The following DDX31 variants were observed in gnomAD, a reference collection of about 807,000 sequenced individuals.
DDX31 encodes the protein DEAD-box helicase 31.
DDX31 carries 70 observed loss-of-function variants against 91.3 expected under a neutral mutation model. The observed-to-expected ratio is 0.77, with a 90% CI of 0.63 to 0.94. The LOEUF (loss-of-function observed/expected upper bound fraction) is 0.94. DDX31 is among the 40% of genes least tolerant of loss of function. The pLI is 0.00. For synonymous variants in DDX31, 362 were observed against 350.6 expected (o/e 1.03, Z -0.36); for missense variants, 902 against 925.0 (o/e 0.98, Z 0.32).
chr9:132,648,093 A>C (rs745551824), intron 11 of DDX31, 96 bp downstream of exon 11: 10 of 978,312 alleles, frequency 1.0e-5, no homozygotes, highest in Non-Finnish European at 1.5e-5. Context: ...CACCTCCCTG[A>C]GGTTGAGAAT....
At chr9:132,602,551 G>T (rs17400224) in intron 19 of DDX31, among the ~76,000 whole-genome samples, 2 of 151,974 alleles carry the variant, frequency 1.3e-5, no homozygotes, top group Non-Finnish European at 2.9e-5. Context: ...CAAAACCCAC[G>T]CTCCTAGCAC....
chr9:132,612,653 T>C (rs918818226), intron 18 of DDX31, among the ~76,000 whole-genome samples: 17 of 152,250 alleles, frequency 1.1e-4, no homozygotes, highest in African/African-American at 4.1e-4. Context: ...GACATCGTTT[T>C]CTTATGAAAA....
chr9:132,658,577 CAG>C, intron 6 of DDX31, 92 bp downstream of exon 6: 1 of 1,193,446 alleles, frequency 8.4e-7, no homozygotes, highest in South Asian at 1.3e-5. Flanking sequence ...TCAGTGAAAA[CAG>C]ATTCTTTTAG....
rs1363355692 is a variant in DDX31, at chr9:132,648,427, C to T, written c.860+5G>A. On this transcript the variant is annotated splice_donor_5th_base_variant and intron_variant, in intron 10 of 19. Coordinates refer to ENST00000372159, the MANE Select transcript of DDX31 (RefSeq NM_022779.9). Reference sequence around the variant, plus strand: ...TACCTGTTATCATCCTGGGACGAGGCTCACCTGTCTGCTTCATCAAACACC... The same window carrying T: ...TACCTGTTATCATCCTGGGACGAGGTTCACCTGTCTGCTTCATCAAACACC... 1.2e-6 allele frequency: 2 copies of T among 1,612,714 alleles called. No individual in the cohort carries two copies. Among genetic ancestry groups the T allele is most frequent in the Non-Finnish European group, 1.7e-6 (2 of 1,179,600 alleles).
chr9:132,633,992 T>G (rs1832946884), intron 14 of DDX31, among the ~76,000 whole-genome samples: 1 of 152,126 alleles, frequency 6.6e-6, no homozygotes, highest in African/African-American at 2.4e-5. Context: ...AAATCCTGAA[T>G]GTAGGGTATT....
In DDX31 at chr9:132,669,966, G is replaced by A; in HGVS notation, c.-32C>T. 2 of 1,578,992 alleles carry A rather than the reference G, an allele frequency of 1.3e-6. No individual in the cohort carries two copies. The highest frequency in any genetic ancestry group is 1.2e-5 in the South Asian group (1 of 86,488). ...CGTGGGTGACGCGTGGTGCAGCAGC[G>A]AGCCCGGTGCGCAGACTGCTGGGCC... On this transcript the variant is annotated 5_prime_UTR_variant, in exon 1 of 20. Coordinates refer to ENST00000372159, the MANE Select transcript of DDX31 (RefSeq NM_022779.9).
At chr9:132,601,382 C>A (rs1016908697) in intron 19 of DDX31, among the ~76,000 whole-genome samples, 1 of 152,196 alleles carries the variant, frequency 6.6e-6, no homozygotes, top group East Asian at 1.9e-4. Context: ...AACCTGAAAC[C>A]AGAGGTCTGG....
At chr9:132,612,606 G>A (rs1411359327) in intron 18 of DDX31, among the ~76,000 whole-genome samples, 1 of 152,152 alleles carries the variant, frequency 6.6e-6, no homozygotes, top group Non-Finnish European at 1.5e-5. Flanking sequence ...AGTGAAAAGA[G>A]AGAATAGGTG....
rs191943659 is a variant in DDX31, at chr9:132,606,830, C to T, written c.1994+5257G>A. Among the ~76,000 whole-genome samples, 151 of 152,236 alleles carry T rather than the reference C, an allele frequency of 9.9e-4. 2 individuals carry two copies. The highest frequency in any genetic ancestry group is 4.7e-3 in the Admixed American group (72 of 15,290). ...AGAGAGGGGCAAGGGAGAGGGCTAACGGGGGTACAGACTCCTCAAGCTAGA... is the reference window on the plus strand; with the variant it reads ...AGAGAGGGGCAAGGGAGAGGGCTAATGGGGGTACAGACTCCTCAAGCTAGA... On this transcript the variant is annotated intron_variant, in intron 19 of 19. Coordinates refer to ENST00000372159, the MANE Select transcript of DDX31 (RefSeq NM_022779.9).
At position 132,636,517 on chromosome 9, in the gene DDX31, C is replaced by T. The variant is rs937614762; in HGVS notation, c.1441-4426G>A. 2.0e-5 allele frequency among the ~76,000 whole-genome samples: 3 copies of T among 152,288 alleles called. No individual in the cohort carries two copies. In the East Asian group the frequency reaches 5.8e-4, roughly 29 times the overall value. ...CCAGCAAACACTAAGACTCTAAAGA[C>T]TCTAAAATAACATGTGACGTTCATG... On this transcript the variant is annotated intron_variant, in intron 14 of 19. Transcript: ENST00000372159.
chr9:132,631,614 G>A (rs1044090544), intron 15 of DDX31, among the ~76,000 whole-genome samples: 1 of 152,214 alleles, frequency 6.6e-6, no homozygotes, highest in Non-Finnish European at 1.5e-5. Context: ...AAGCGTCTAA[G>A]GCTAGAGGTA....
intron 18 of DDX31, among the ~76,000 whole-genome samples, chr9:132,617,253 C>T (rs1328394535): frequency 1.3e-5 from 2 of 152,140 alleles, no homozygotes; most frequent in African/African-American, 4.8e-5. Context: ...GTATCACCTA[C>T]ACAATGAGGC....
intron 16 of DDX31, among the ~76,000 whole-genome samples, chr9:132,627,839 A>T (rs1476022993): frequency 2.6e-5 from 4 of 152,166 alleles, no homozygotes; most frequent in African/African-American, 9.7e-5. Flanking sequence ...TGCCTTCTCC[A>T]ATCTGCCCTG....
chr9:132,654,782 C>T (rs1834440779), intron 6 of DDX31, among the ~76,000 whole-genome samples: 1 of 151,728 alleles, frequency 6.6e-6, no homozygotes, highest in South Asian at 2.1e-4. Context: ...CCCATCTCTA[C>T]TAAAACTACA....
Position 132,658,664 on chromosome 9 carries a change from T to G in DDX31, c.588+7A>C. ...AGCAATGACAGAAAAACACATTTGA[T>G]ACACACCTGTATTTTTGACTCCATT... On this transcript the variant is annotated splice_region_variant and intron_variant, in intron 6 of 19. Coordinates refer to ENST00000372159, the MANE Select transcript of DDX31 (RefSeq NM_022779.9). 6.2e-7 allele frequency: 1 copy of G among 1,613,328 alleles called. No individual in the cohort carries two copies. The highest frequency in any genetic ancestry group is 1.7e-4 in the Middle Eastern group (1 of 6,060).
At chr9:132,629,038 G>C (rs189974807) in intron 16 of DDX31, among the ~76,000 whole-genome samples, 312 of 152,366 alleles carry the variant, frequency 2.0e-3, no homozygotes, top group African/African-American at 6.9e-3. Context: ...CACCCGCCCT[G>C]GTGGGTGTCA....
chr9:132,655,410 T>G (rs1287707918), intron 6 of DDX31, among the ~76,000 whole-genome samples: 1 of 152,182 alleles, frequency 6.6e-6, no homozygotes, highest in East Asian at 1.9e-4. Context: ...ACCACTCATG[T>G]ATCAAACCAA....
rs546302177 is a variant in DDX31, at chr9:132,628,058, A to G, written c.1631+2206T>C. Among the ~76,000 whole-genome samples the G allele has an allele frequency of 7.9e-5, 12 of 152,374 alleles. No homozygotes were observed. In the South Asian group the frequency reaches 2.1e-3, roughly 26 times the overall value. On this transcript the variant is annotated intron_variant, in intron 16 of 19. Coordinates refer to ENST00000372159, the MANE Select transcript of DDX31 (RefSeq NM_022779.9). ...GTTGCTGTTTTGCATTAAGTCAAAG[A>G]AACAGTTCATGTATAGATACAGCCA...
At chr9:132,599,704 T>C (rs917761083) in intron 19 of DDX31, among the ~76,000 whole-genome samples, 1 of 152,226 alleles carries the variant, frequency 6.6e-6, no homozygotes, top group Non-Finnish European at 1.5e-5. Context: ...TGCGAGGGTG[T>C]AGTACAATTA....
Sources: allele counts gnomAD v4.1 joint callset (sites outside exome capture counted in the v4.1 genomes callset), GRCh38; gene constraint gnomAD v4.1.1; transcripts MANE v1.5; gene names NCBI Gene and HGNC (gene_info 2026-07-23, HGNC 2026-07-21).